The following ERCC3 variants were observed in gnomAD, a reference collection of about 807,000 sequenced individuals.
The protein encoded by ERCC3 is ERCC excision repair 3, TFIIH core complex helicase subunit, also known as general transcription and DNA repair factor IIH helicase/translocase subunit XPB.
ERCC3 carries 66 observed loss-of-function variants against 94.2 expected under a neutral mutation model. The ratio of observed to expected loss-of-function variants is 0.70; its 90% CI spans 0.57 to 0.86. The LOEUF (loss-of-function observed/expected upper bound fraction) is 0.86. ERCC3 is among the 40% of genes least tolerant of loss of function. The probability of loss-of-function intolerance (pLI) is 0.00; values close to 1 mark genes in which losing one functional copy is unlikely to be tolerated. For synonymous variants in ERCC3, 349 were observed against 369.1 expected, an observed-to-expected ratio of 0.95 and a Z score of 0.63; for missense variants, 829 against 987.1, an observed-to-expected ratio of 0.84 and a Z score of 2.15.
intron 1 of ERCC3, 60 bp from the exon 2 acceptor site, chr2:127,293,778 G>C: frequency 1.9e-6 from 3 of 1,602,976 alleles, no homozygotes; most frequent in Non-Finnish European, 2.5e-6. Flanking sequence ...CCTCCGCACC[G>C]CTTGGCAGCA....
rs1684667409 is a variant in ERCC3, at chr2:127,274,381, TGTA to T, written c.1731-1423_1731-1421del. The stretch of plus-strand genomic sequence containing the variant: ...CAGCCCTGCCAAGATTCCTCAGCAT[TGTA>T]AAAGACAGGTTTCATGTTCCCCAAT... On this transcript the variant is annotated intron_variant, in intron 10 of 14. Coordinates refer to ENST00000285398, the MANE Select transcript of ERCC3 (RefSeq NM_000122.2). The surrounding 1 kb of genome is among the most constrained non-coding windows in gnomAD (Gnocchi z 4.0). 6.6e-6 allele frequency among the ~76,000 whole-genome samples: 1 copy of T among 151,826 alleles called. No individual in the cohort carries two copies. The highest frequency in any genetic ancestry group is 1.5e-5 in the Non-Finnish European group (1 of 67,968).
chr2:127,273,749 C>CAAAAAAAA (rs398039596), intron 10 of ERCC3, among the ~76,000 whole-genome samples: 1 of 40,118 alleles, frequency 2.5e-5, no homozygotes, highest in African/African-American at 1.1e-4. Flanking sequence ...AACTCTGTCT[C>CAAAAAAAA]AAAAAAAAAA....
At chr2:127,283,022 T>C (rs1045680803) in intron 8 of ERCC3, among the ~76,000 whole-genome samples, 1 of 151,608 alleles carries the variant, frequency 6.6e-6, no homozygotes, top group Non-Finnish European at 1.5e-5. Flanking sequence ...CCAGACTCCT[T>C]TGTGGGTAGT....
chr2:127,285,712 G>T (rs1034623569), intron 8 of ERCC3, among the ~76,000 whole-genome samples: 1 of 151,520 alleles, frequency 6.6e-6, no homozygotes, highest in Non-Finnish European at 1.5e-5. Flanking sequence ...TTAGCCGGGT[G>T]TGGTAGTACA....
In ERCC3 at chr2:127,271,464, A is replaced by T; in HGVS notation, c.1828-11T>A. ...CGAAGTGTCACCTACCTACAGAAAC[A>T]AGTTGGAAGGTTTTTATATATGAGG... On this transcript the variant is annotated splice_polypyrimidine_tract_variant and intron_variant, in intron 11 of 14. Transcript: ENST00000285398. The surrounding 1 kb of genome is among the most constrained non-coding windows in gnomAD (Gnocchi z 5.0). 1 of 1,583,456 alleles carries T rather than the reference A, an allele frequency of 6.3e-7. No individual in the cohort carries two copies. Among genetic ancestry groups the T allele is most frequent in the Non-Finnish European group, 8.7e-7 (1 of 1,152,932 alleles).
chr2:127,289,285 G>T, intron 6 of ERCC3, 52 bp downstream of exon 6: 1 of 1,544,832 alleles, frequency 6.5e-7, no homozygotes, highest in Non-Finnish European at 8.9e-7. Flanking sequence ...GGCTGGACTA[G>T]CTTCTAACAG....
rs886656651 is a variant in ERCC3 at position 127,291,411 on chromosome 2, C to T, written c.472-1138G>A. On this transcript the variant is annotated intron_variant, in intron 3 of 14. Coordinates refer to ENST00000285398, the MANE Select transcript of ERCC3 (RefSeq NM_000122.2). The surrounding 1 kb of genome is among the most constrained non-coding windows in gnomAD (Gnocchi z 4.9). ...AGTAGCTGGGATTACAGGCACCCAC[C>T]ACCATGCCTGGCGAATTTTTGTATT... Among the ~76,000 whole-genome samples, 1 of 152,134 alleles carries T rather than the reference C, an allele frequency of 6.6e-6. No individual in the cohort carries two copies. The highest frequency in any genetic ancestry group is 1.5e-5 in the Non-Finnish European group (1 of 68,028).
At position 127,264,896 on chromosome 2, in the gene ERCC3, G is replaced by A. The variant is rs1684309160; in HGVS notation, c.1946-3550C>T. 6.7e-6 allele frequency among the ~76,000 whole-genome samples: 1 copy of A among 149,302 alleles called. No homozygotes were observed. The highest frequency in any genetic ancestry group is 1.5e-5 in the Non-Finnish European group (1 of 67,654). On this transcript the variant is annotated intron_variant, in intron 12 of 14. Transcript: ENST00000285398. The surrounding 1 kb of genome is among the most constrained non-coding windows in gnomAD (Gnocchi z 4.4). Reference sequence around the variant, plus strand: ...GGAGTCTCACTCTGTCACCCAGGCTGGAGTGCAGTGGCACGATCTCAGCTC... The same window carrying A: ...GGAGTCTCACTCTGTCACCCAGGCTAGAGTGCAGTGGCACGATCTCAGCTC...
intron 4 of ERCC3, 66 bp from the exon 5 acceptor site, chr2:127,289,890 A>T: frequency 6.5e-7 from 1 of 1,541,462 alleles, no homozygotes; most frequent in East Asian, 2.2e-5. Context: ...TCCACTGCTC[A>T]TTCAATTAGA....
In ERCC3 at chr2:127,274,846, C is replaced by G. The variant is rs952441161; in HGVS notation, c.1731-1885G>C. ...ACAGATGAAATAGAAGGAAAAGCAC[C>G]CTCCAAGTGGAGAATGTCACATTTA... On this transcript the variant is annotated intron_variant, in intron 10 of 14. Coordinates refer to ENST00000285398, the MANE Select transcript of ERCC3 (RefSeq NM_000122.2). This position sits in a 1 kb window ranked among gnomAD's most constrained non-coding sequence, Gnocchi z 4.0. Among the ~76,000 whole-genome samples the G allele has an allele frequency of 1.3e-5, 2 of 152,016 alleles. No homozygotes were observed. Among genetic ancestry groups the G allele is most frequent in the African/African-American group, 4.8e-5 (2 of 41,344 alleles).
rs1187848245 is a variant in ERCC3, at chr2:127,291,236, C to T, written c.472-963G>A. ...CAGAGCCACAGTGTTGGTACAAGGT[C>T]CTCTCCTTGGGCACGCTTTCTTTTT... On this transcript the variant is annotated intron_variant, in intron 3 of 14. Coordinates refer to ENST00000285398, the MANE Select transcript of ERCC3 (RefSeq NM_000122.2). This position sits in a 1 kb window ranked among gnomAD's most constrained non-coding sequence, Gnocchi z 4.9. Among the ~76,000 whole-genome samples, 1 of 152,108 alleles carries T rather than the reference C, an allele frequency of 6.6e-6. No homozygotes were observed. Among genetic ancestry groups the T allele is most frequent in the Non-Finnish European group, 1.5e-5 (1 of 68,022 alleles).
In ERCC3 at chr2:127,282,438, T is replaced by C. The variant is rs4150446; in HGVS notation, c.1343-1807A>G. Among the ~76,000 whole-genome samples, 553 of 152,314 alleles carry C rather than the reference T, an allele frequency of 3.6e-3. 4 individuals carry two copies. The highest frequency in any genetic ancestry group is 0.012 in the African/African-American group (516 of 41,566). On this transcript the variant is annotated intron_variant, in intron 8 of 14. Transcript: ENST00000285398. ...TAAATACCTGTAGAAATAATGAAAC[T>C]GGCACAGTACCTAGCACACAGGAAG... is the stretch of plus-strand genomic sequence containing the variant.
chr2:127,283,805 A>G (rs79185995), intron 8 of ERCC3, among the ~76,000 whole-genome samples: 2 of 152,338 alleles, frequency 1.3e-5, no homozygotes, highest in East Asian at 3.9e-4. Context: ...CAGTTCCCTG[A>G]TGACTAATGA....
intron 7 of ERCC3, among the ~76,000 whole-genome samples, chr2:127,288,137 C>G (rs1389379119): frequency 1.3e-5 from 2 of 152,288 alleles, no homozygotes; most frequent in East Asian, 1.9e-4. Context: ...GGACCTGACA[C>G]TACTGGGATA....
chr2:127,286,171 GA>G (rs1471579742), intron 8 of ERCC3, among the ~76,000 whole-genome samples: 1 of 152,146 alleles, frequency 6.6e-6, no homozygotes, highest in East Asian at 1.9e-4. Context: ...AAGGAAGATG[GA>G]GGAAAGAAAA....
chr2:127,281,236 C>G (rs1238601363), intron 8 of ERCC3, among the ~76,000 whole-genome samples: 1 of 152,236 alleles, frequency 6.6e-6, no homozygotes, highest in Non-Finnish European at 1.5e-5. Flanking sequence ...CAGCTCTTCT[C>G]AGCTTCCCAT....
chr2:127,272,777 C>A lies in ERCC3; in HGVS notation c.1827+88G>T, dbSNP rs1023594440. 1.1e-5 allele frequency: 9 copies of A among 852,892 alleles called. No individual in the cohort carries two copies. The Admixed American group carries it at 1.6e-4, about 15-fold the overall frequency. The allele number at this position is 852,892 out of a possible 1,614,324, so 52.8% of individuals were successfully genotyped here. A position where few individuals can be genotyped will look rare whatever the true frequency, so the allele number is the denominator to read the frequency against. Reference sequence around the variant, plus strand: ...ATGCAGGAGAAGTTCCTTCAGCAGACATGAATTCACTGTCCAGGAATCATA... The same window carrying A: ...ATGCAGGAGAAGTTCCTTCAGCAGAAATGAATTCACTGTCCAGGAATCATA... On this transcript the variant is annotated intron_variant, in intron 11 of 14. Transcript: ENST00000285398.
chr2:127,280,547 T>C lies in ERCC3; in HGVS notation c.1427A>G (p.Lys476Arg), dbSNP rs1684875005. Reference sequence around the variant, plus strand: ...AATCAGAAAATTTAAATCCACAATTTTGTCATCTTCGCGGACGAGGGTCGC... The same window carrying C: ...AATCAGAAAATTTAAATCCACAATTCTGTCATCTTCGCGGACGAGGGTCGC... Reference protein sequence around the residue: ...LTATLVREDDKIVDLNFLIGP... With the variant: ...LTATLVREDDRIVDLNFLIGP... The change falls in exon 9 of 15, where the codon AAA (lysine) becomes AGA (arginine). Residue 476 changes from lysine to arginine, a missense_variant. Physicochemically the swap from Lys to Arg is conservative, Grantham distance 26 (BLOSUM62 2). Transcript: ENST00000285398. This position sits in a 1 kb window ranked among gnomAD's most constrained non-coding sequence, Gnocchi z 6.3. 6.2e-7 allele frequency: 1 copy of C among 1,614,174 alleles called. No homozygotes were observed. Among genetic ancestry groups the C allele is most frequent in the Non-Finnish European group, 8.5e-7 (1 of 1,180,042 alleles).
At position 127,279,504 on chromosome 2, in the gene ERCC3, G is replaced by A; in HGVS notation, c.1528-129C>T. On this transcript the variant is annotated intron_variant, in intron 9 of 14. Coordinates refer to ENST00000285398, the MANE Select transcript of ERCC3 (RefSeq NM_000122.2). The surrounding 1 kb of genome is among the most constrained non-coding windows in gnomAD (Gnocchi z 4.7). The stretch of plus-strand genomic sequence containing the variant: ...CAGTCAGGTGCAGTGGCTCATGCCT[G>A]TAATGCCAGCAGTTTGGGAGGCTGA... 4.0e-6 allele frequency: 3 copies of A among 757,798 alleles called. No individual in the cohort carries two copies. Among genetic ancestry groups the A allele is most frequent in the Non-Finnish European group, 4.6e-6 (2 of 430,342 alleles). 46.9% of individuals were successfully genotyped at this position (757,798 alleles called of 1,614,324 possible). A position where few individuals can be genotyped will look rare whatever the true frequency, so the allele number is the denominator to read the frequency against.
Sources: gnomAD v4.1 joint callset for allele counts (sites outside exome capture counted in the v4.1 genomes callset) on GRCh38, gnomAD v4.1.1 for gene constraint, Gnocchi (gnomAD v3.1) non-coding constraint, MANE v1.5 for transcripts, NCBI Gene and HGNC (gene_info 2026-07-23, HGNC 2026-07-21) for gene names.